CHD3: variants seen among roughly 807,000 people sequenced by gnomAD.
The protein encoded by CHD3 is chromodomain helicase DNA binding protein 3.
In CHD3, 52 loss-of-function variants were observed where a neutral mutation model predicts 248.9. The ratio of observed to expected loss-of-function variants is 0.21; its 90% CI spans 0.17 to 0.26. The LOEUF is 0.26. Ranked by LOEUF, CHD3 falls within the 10% of genes least tolerant of loss-of-function variation. The probability of loss-of-function intolerance (pLI) is 1.00; values close to 1 mark genes in which losing one functional copy is unlikely to be tolerated. For synonymous variants in CHD3, 985 were observed against 985.2 expected (o/e 1.00, Z 0.00); for missense variants, 1,482 against 2,605.8 (o/e 0.57, Z 9.39).
chr17:7,911,361 G>C lies in CHD3; in HGVS notation c.5882-103G>C. The C allele has an allele frequency of 6.4e-6, 10 of 1,569,558 alleles. No homozygotes were observed. Among genetic ancestry groups the C allele is most frequent in the Non-Finnish European group, 8.7e-6 (10 of 1,146,880 alleles). Reference sequence around the variant, plus strand: ...TTCCCTCCCTCACGTGGGACAACGGGAAGTGGCAGGAGGTGACCTAGAAGT... The same window carrying C: ...TTCCCTCCCTCACGTGGGACAACGGCAAGTGGCAGGAGGTGACCTAGAAGT... On this transcript the variant is annotated intron_variant, in intron 39 of 39. Coordinates refer to ENST00000330494, the MANE Select transcript of CHD3 (RefSeq NM_001005273.3). This position sits in a 1 kb window ranked among gnomAD's most constrained non-coding sequence, Gnocchi z 5.4.
At position 7,904,104 on chromosome 17, in the gene CHD3, C is replaced by A; in HGVS notation, c.3894+113C>A. On this transcript the variant is annotated intron_variant, in intron 24 of 39. Transcript: ENST00000330494. The surrounding 1 kb of genome is among the most constrained non-coding windows in gnomAD (Gnocchi z 4.4). ...TGTCCCCCTTAAAACAGTAGTGGACCTCAAACAACTTCTTCGTCTAATAGG... is the reference window on the plus strand; with the variant it reads ...TGTCCCCCTTAAAACAGTAGTGGACATCAAACAACTTCTTCGTCTAATAGG... 1 of 1,103,588 alleles carries A rather than the reference C, an allele frequency of 9.1e-7. No individual in the cohort carries two copies. Among genetic ancestry groups the A allele is most frequent in the Non-Finnish European group, 1.3e-6 (1 of 766,730 alleles). 68.4% of individuals were successfully genotyped at this position (1,103,588 alleles called of 1,614,324 possible).
In CHD3 at chr17:7,911,586, C is replaced by G. The variant is rs182239876; in HGVS notation, c.*1C>G. 3 of 1,614,058 alleles carry G rather than the reference C, an allele frequency of 1.9e-6. No homozygotes were observed. The Admixed American group carries it at 5.0e-5, about 27-fold the overall frequency. On this transcript the variant is annotated 3_prime_UTR_variant, in exon 40 of 40. Coordinates refer to ENST00000330494, the MANE Select transcript of CHD3 (RefSeq NM_001005273.3). The surrounding 1 kb of genome is among the most constrained non-coding windows in gnomAD (Gnocchi z 5.4). ...GGAGGTGATCTGTATAGACGACTGA[C>G]TGGATCCCAGGCCTGCCCTTCACCC... is the stretch of plus-strand genomic sequence containing the variant.
rs1190813617 is a variant in CHD3, at chr17:7,912,750, C to A, written c.*1165C>A. 1 of 122,308 alleles carries A rather than the reference C, an allele frequency of 8.2e-6. No individual in the cohort carries two copies. The highest frequency in any genetic ancestry group is 2.4e-4 in the East Asian group (1 of 4,244). The allele number at this position is 122,308 out of a possible 1,614,324, so 7.6% of individuals were successfully genotyped here. On this transcript the variant is annotated 3_prime_UTR_variant, in exon 40 of 40. Transcript: ENST00000330494. ...TGGTTGTACATATAAATTATACTTT[C>A]CTTTCTGTGTGCTCTGTTATTTTTT...
chr17:7,906,641 C>G lies in CHD3; in HGVS notation c.4447C>G (p.Leu1483Val). ...TFADGVPREG[L>V]SRQQVLTRIG... The stretch of plus-strand genomic sequence containing the variant: ...TGCCGATGGGGTCCCTCGGGAGGGA[C>G]TGAGTCGCCAGCAGGTGTTGACCCG... The change falls in exon 29 of 40, where the codon CTG becomes GTG. Residue 1483 changes from leucine to valine, a missense_variant. Leu to Val is a conservative substitution (Grantham distance 32). Coordinates refer to ENST00000330494, the MANE Select transcript of CHD3 (RefSeq NM_001005273.3). The surrounding 1 kb of genome is among the most constrained non-coding windows in gnomAD (Gnocchi z 5.0). 6.2e-7 allele frequency: 1 copy of G among 1,613,568 alleles called. No homozygotes were observed. The highest frequency in any genetic ancestry group is 8.5e-7 in the Non-Finnish European group (1 of 1,179,792).
rs143956989 is a variant in CHD3 at position 7,911,522 on chromosome 17, G to A, written c.5940G>A (p.Leu1980=). The change falls in exon 40 of 40, where the codon TTG becomes TTA. Residue 1980 remains leucine (L), a synonymous_variant. Coordinates refer to ENST00000330494, the MANE Select transcript of CHD3 (RefSeq NM_001005273.3). This position sits in a 1 kb window ranked among gnomAD's most constrained non-coding sequence, Gnocchi z 5.4. ...VKKEKEMVGA[L]VSDGLDRKEP... The stretch of plus-strand genomic sequence containing the variant: ...AGGAGAAGGAAATGGTGGGGGCATT[G>A]GTGTCAGACGGGCTGGATCGGAAGG... The A allele has an allele frequency of 1.2e-6, 2 of 1,614,236 alleles. No individual in the cohort carries two copies. The highest frequency in any genetic ancestry group is 1.7e-6 in the Non-Finnish European group (2 of 1,180,036).
rs202017045 is a variant in CHD3 at position 7,904,638 on chromosome 17, G to T, written c.4072+19G>T. 2 of 1,605,474 alleles carry T rather than the reference G, an allele frequency of 1.2e-6. No homozygotes were observed. Among genetic ancestry groups the T allele is most frequent in the African/African-American group, 1.3e-5 (1 of 74,648 alleles). ...GACCAAGGTGAGGACTGCCCCAGATGCAGGCAGTAAAGGGGGGAAGTGATG... is the reference window on the plus strand; with the variant it reads ...GACCAAGGTGAGGACTGCCCCAGATTCAGGCAGTAAAGGGGGGAAGTGATG... On this transcript the variant is annotated intron_variant, in intron 25 of 39. Transcript: ENST00000330494. This position sits in a 1 kb window ranked among gnomAD's most constrained non-coding sequence, Gnocchi z 4.4.
rs1968730776 is a variant in CHD3, at chr17:7,890,745, A to G, written c.384+4A>G. ...GGAGGGAGATGGGGGGCAAAAGGTG[A>G]GTAGAATTAGGGAATGAGAGTGAGA... On this transcript the variant is annotated splice_donor_region_variant and intron_variant, in intron 3 of 39. Coordinates refer to ENST00000330494, the MANE Select transcript of CHD3 (RefSeq NM_001005273.3). 6.3e-7 allele frequency: 1 copy of G among 1,590,528 alleles called. No individual in the cohort carries two copies. The highest frequency in any genetic ancestry group is 8.5e-7 in the Non-Finnish European group (1 of 1,170,702).
At position 7,911,624 on chromosome 17, in the gene CHD3, C is replaced by G. The variant is rs199858009; in HGVS notation, c.*39C>G. Reference sequence around the variant, plus strand: ...CTGCCCTTCACCCAGGCCCCGTCCCCGAGGCCGACCCCCAGCTCAAGCGCT... The same window carrying G: ...CTGCCCTTCACCCAGGCCCCGTCCCGGAGGCCGACCCCCAGCTCAAGCGCT... On this transcript the variant is annotated 3_prime_UTR_variant, in exon 40 of 40. Coordinates refer to ENST00000330494, the MANE Select transcript of CHD3 (RefSeq NM_001005273.3). This position sits in a 1 kb window ranked among gnomAD's most constrained non-coding sequence, Gnocchi z 5.4. 1 of 1,612,840 alleles carries G rather than the reference C, an allele frequency of 6.2e-7. No individual in the cohort carries two copies.
Position 7,906,742 on chromosome 17 carries a change from T to A in CHD3, c.4503+45T>A, listed in dbSNP as rs536773765. On this transcript the variant is annotated intron_variant, in intron 29 of 39. Coordinates refer to ENST00000330494, the MANE Select transcript of CHD3 (RefSeq NM_001005273.3). This position sits in a 1 kb window ranked among gnomAD's most constrained non-coding sequence, Gnocchi z 5.0. The stretch of plus-strand genomic sequence containing the variant: ...CCAAAGAATCAAGCTGGCTGCCTAG[T>A]CTCTGTCCTTCCTCTGCCTCTGTCC... 6 of 1,584,886 alleles carry A rather than the reference T, an allele frequency of 3.8e-6. No individual in the cohort carries two copies. In the South Asian group the frequency reaches 5.8e-5, roughly 15 times the overall value.
rs1362989488 is a variant in CHD3, at chr17:7,906,976, G to A, written c.4611G>A (p.Thr1537=). The stretch of plus-strand genomic sequence containing the variant: ...CCAGAGCCTCCTCTCCTACCAAAAC[G>A]TCTCCCACCACTCCTGAGGCTTCTG... ...RSSRASSPTK[T]SPTTPEASAT... The change falls in exon 30 of 40, where the codon ACG becomes ACA. Residue 1537 remains threonine (T), a synonymous_variant. Coordinates refer to ENST00000330494, the MANE Select transcript of CHD3 (RefSeq NM_001005273.3). This position sits in a 1 kb window ranked among gnomAD's most constrained non-coding sequence, Gnocchi z 5.0. 6.8e-6 allele frequency: 11 copies of A among 1,613,966 alleles called. No individual in the cohort carries two copies. The highest frequency in any genetic ancestry group is 5.3e-5 in the African/African-American group (4 of 74,896).
Position 7,900,443 on chromosome 17 carries a change from A to T in CHD3, c.2804+32A>T, listed in dbSNP as rs776663079. 1 of 1,613,936 alleles carries T rather than the reference A, an allele frequency of 6.2e-7. No individual in the cohort carries two copies. Reference sequence around the variant, plus strand: ...GGTTCCCTAAGGGTAGTTGGCAGAGATGAGAGGTGGAGCAGATAAAATGAG... The same window carrying T: ...GGTTCCCTAAGGGTAGTTGGCAGAGTTGAGAGGTGGAGCAGATAAAATGAG... On this transcript the variant is annotated intron_variant, in intron 17 of 39. Coordinates refer to ENST00000330494, the MANE Select transcript of CHD3 (RefSeq NM_001005273.3). This position sits in a 1 kb window ranked among gnomAD's most constrained non-coding sequence, Gnocchi z 6.5.
Position 7,902,939 on chromosome 17 carries a change from C to T in CHD3, c.3373C>T (p.Pro1125Ser). The change falls in exon 22 of 40, where the codon CCT (proline) becomes TCT (serine). Residue 1125 changes from proline to serine, a missense_variant and splice_region_variant. Around this residue, in one of 20 missense-constraint regions of CHD3, gnomAD observed 18 missense variants for 45.2 expected, o/e 0.40. Transcript: ENST00000330494. ...RQEAIDRFNA[P>S]GAQQFCFLLS... ...CTGATCCAACTCTCACCTCCTAGCT[C>T]CTGGGGCCCAACAATTCTGCTTCCT... is the stretch of plus-strand genomic sequence containing the variant. 6.2e-7 allele frequency: 1 copy of T among 1,614,092 alleles called. No homozygotes were observed. The highest frequency in any genetic ancestry group is 2.2e-5 in the East Asian group (1 of 44,880).
At chr17:7,885,173 C>T (rs1967599247), upstream of CHD3, 3 of 978,924 alleles carry the variant, frequency 3.1e-6, no homozygotes, top group Admixed American at 1.3e-4. Flanking sequence ...ACCGCGCGGC[C>T]GAGCCGAGGC....
rs1275083291 is a variant in CHD3 at position 7,899,540 on chromosome 17, G to C, written c.2541G>C (p.Met847Ile). The C allele has an allele frequency of 1.9e-6, 3 of 1,613,766 alleles. No homozygotes were observed. The highest frequency in any genetic ancestry group is 2.5e-6 in the Non-Finnish European group (3 of 1,179,840). ...AIKGGKKAFK[M>I]KREAQVKFHV... ...AAGGGGGCAAGAAAGCTTTTAAGAT[G>C]AAGGTAAGACCCTCTACCTCATATC... is the stretch of plus-strand genomic sequence containing the variant. Residue 847 changes from methionine (M) to isoleucine (I), a missense_variant, in exon 15 of 40, where the codon ATG becomes ATC. Met to Ile is a conservative substitution (Grantham distance 10, BLOSUM62 1). Around this residue, in one of 20 missense-constraint regions of CHD3, gnomAD observed 49 missense variants for 93.8 expected, o/e 0.52. Transcript: ENST00000330494. This position sits in a 1 kb window ranked among gnomAD's most constrained non-coding sequence, Gnocchi z 6.8.
In CHD3 at chr17:7,911,459, A is replaced by G; in HGVS notation, c.5882-5A>G. ...TTGATCTTTCCTTACCCCTTTCCCAAACAGCCGCCACCAACGGCCCTCCAG... is the reference window on the plus strand; with the variant it reads ...TTGATCTTTCCTTACCCCTTTCCCAGACAGCCGCCACCAACGGCCCTCCAG... On this transcript the variant is annotated splice_polypyrimidine_tract_variant and splice_region_variant and intron_variant, in intron 39 of 39. Coordinates refer to ENST00000330494, the MANE Select transcript of CHD3 (RefSeq NM_001005273.3). The surrounding 1 kb of genome is among the most constrained non-coding windows in gnomAD (Gnocchi z 5.4). 1 of 1,614,138 alleles carries G rather than the reference A, an allele frequency of 6.2e-7. No homozygotes were observed. The highest frequency in any genetic ancestry group is 8.5e-7 in the Non-Finnish European group (1 of 1,179,992).
At position 7,910,269 on chromosome 17, in the gene CHD3, CT is replaced by C. The variant is rs148614032; in HGVS notation, c.5591-155del. The stretch of plus-strand genomic sequence containing the variant: ...AGTTGCTTCTGTTTTCCATCTACTT[CT>C]TTTACTTTCTTGATCTCTGGTTCTT... On this transcript the variant is annotated intron_variant, in intron 37 of 39. Transcript: ENST00000330494. The surrounding 1 kb of genome is among the most constrained non-coding windows in gnomAD (Gnocchi z 4.7). The C allele has an allele frequency of 6.9e-4, 614 of 886,802 alleles. No individual in the cohort carries two copies. In the African/African-American group the frequency reaches 9.6e-3, roughly 14 times the overall value. The allele number at this position is 886,802 out of a possible 1,614,324, so 54.9% of individuals were successfully genotyped here.
Position 7,905,609 on chromosome 17 carries a change from C to T in CHD3, c.4139-12C>T. 1 of 1,571,504 alleles carries T rather than the reference C, an allele frequency of 6.4e-7. No homozygotes were observed. Among genetic ancestry groups the T allele is most frequent in the African/African-American group, 1.4e-5 (1 of 73,702 alleles). On this transcript the variant is annotated splice_polypyrimidine_tract_variant and intron_variant, in intron 26 of 39. Coordinates refer to ENST00000330494, the MANE Select transcript of CHD3 (RefSeq NM_001005273.3). This position sits in a 1 kb window ranked among gnomAD's most constrained non-coding sequence, Gnocchi z 5.8. ...TGGTGGCTCAGCTAACTGATGTCAT[C>T]CCCACCCTCAGGGCGTAGACAGTCA...
rs1969368871 is a variant in CHD3, at chr17:7,894,488, G to C, written c.1149G>C (p.Glu383Asp). 4 of 1,614,154 alleles carry C rather than the reference G, an allele frequency of 2.5e-6. No individual in the cohort carries two copies. The highest frequency in any genetic ancestry group is 3.4e-6 in the Non-Finnish European group (4 of 1,180,020). Residue 383 changes from glutamate (E) to aspartate (D), a missense_variant, in exon 8 of 40, where the codon GAG becomes GAC. Physicochemically the swap from Glu to Asp is conservative, Grantham distance 45 (BLOSUM62 2). Around this residue, in one of 20 missense-constraint regions of CHD3, gnomAD observed 138 missense variants for 241.1 expected, o/e 0.57. Transcript: ENST00000330494. ...AGACGGATCACCAGGATTACTGTGA[G>C]GTGTGCCAGCAGGGTGGGGAAATTA... ...GYETDHQDYC[E>D]VCQQGGEIIL... is the part of the protein sequence containing the mutation.
Position 7,910,287 on chromosome 17 carries a change from C to G in CHD3, c.5591-141C>G, listed in dbSNP as rs577698773. 3.5e-5 allele frequency: 36 copies of G among 1,029,900 alleles called. No individual in the cohort carries two copies. The South Asian group carries it at 4.3e-4, about 12-fold the overall frequency. 63.8% of individuals were successfully genotyped at this position (1,029,900 alleles called of 1,614,324 possible). ...TCTACTTCTTTTACTTTCTTGATCT[C>G]TGGTTCTTTGACATCTGTGTTCTCC... On this transcript the variant is annotated intron_variant, in intron 37 of 39. Transcript: ENST00000330494. The surrounding 1 kb of genome is among the most constrained non-coding windows in gnomAD (Gnocchi z 4.7).
Sources: allele counts gnomAD v4.1 joint callset, GRCh38; gene constraint gnomAD v4.1.1; regional missense constraint gnomAD v4.1.1; non-coding constraint Gnocchi (gnomAD v3.1); transcripts MANE v1.5; gene names NCBI Gene and HGNC (gene_info 2026-07-23, HGNC 2026-07-21).